SHANK2: variants seen among roughly 807,000 people sequenced by gnomAD.
SHANK2 encodes the protein SH3 and multiple ankyrin repeat domains 2.
SHANK2 carries 43 observed loss-of-function variants against 133.7 expected under a neutral mutation model. That is an observed-to-expected ratio of 0.32 (90% CI 0.25 to 0.41). The LOEUF (loss-of-function observed/expected upper bound fraction) is 0.41. Among genes scored for constraint, SHANK2 ranks in the 10% least tolerant of loss-of-function variants. The probability of loss-of-function intolerance (pLI) is 1.00; values close to 1 mark genes in which losing one functional copy is unlikely to be tolerated. For missense variants in SHANK2, 1,994 were observed against 2,235.8 expected (o/e 0.89, Z 2.18); for synonymous variants, 1,017 against 952.8 (o/e 1.07, Z -1.24).
At chr11:70,659,584 T>G (rs1346793547) in intron 17 of SHANK2, among the ~76,000 whole-genome samples, 1 of 152,138 alleles carries the variant, frequency 6.6e-6, no homozygotes, top group Non-Finnish European at 1.5e-5. Context: ...TCAAGACCAA[T>G]GACCAAATTC....
At chr11:70,822,233 G>A (rs908007003) in intron 11 of SHANK2, among the ~76,000 whole-genome samples, 2 of 152,226 alleles carry the variant, frequency 1.3e-5, no homozygotes, top group Non-Finnish European at 2.9e-5. Flanking sequence ...CTGAAGCCAC[G>A]CTTGGCTCCG....
intron 17 of SHANK2, among the ~76,000 whole-genome samples, chr11:70,573,281 G>A (rs1565142352): frequency 8.0e-6 from 1 of 125,400 alleles, no homozygotes; most frequent in Admixed American, 7.9e-5. Flanking sequence ...CGGTGGGGGC[G>A]GGGGGGCTGT....
At chr11:71,123,275 A>C (rs1470896461) in intron 3 of SHANK2, among the ~76,000 whole-genome samples, 1 of 152,186 alleles carries the variant, frequency 6.6e-6, no homozygotes, top group Non-Finnish European at 1.5e-5. Flanking sequence ...AAAGACAATA[A>C]ATAAGAAGCA....
At chr11:71,232,673 T>C (rs1555123126) in intron 1 of SHANK2, among the ~76,000 whole-genome samples, 1 of 152,216 alleles carries the variant, frequency 6.6e-6, no homozygotes, top group African/African-American at 2.4e-5. Flanking sequence ...ATGATTCTCT[T>C]AGTAACATGT....
Position 70,468,421 on chromosome 11 carries a change from GGGCAGTC to G in SHANK2, c.*4441_*4447del, listed in dbSNP as rs2058559314. On this transcript the variant is annotated 3_prime_UTR_variant, in exon 26 of 26. Coordinates refer to ENST00000601538, the MANE Select transcript of SHANK2 (RefSeq NM_012309.5). ...AATTCTCTGATTCCCCACAAAGCAC[GGGCAGTC>G]CTGTCTGCATGCAGCTGCTGTGGTC... 1 of 152,208 alleles carries G rather than the reference GGGCAGTC, an allele frequency of 6.6e-6. No individual in the cohort carries two copies. The highest frequency in any genetic ancestry group is 1.5e-5 in the Non-Finnish European group (1 of 68,046). The allele number at this position is 152,208 out of a possible 1,614,324, so 9.4% of individuals were successfully genotyped here. A position where few individuals can be genotyped will look rare whatever the true frequency, so the allele number is the denominator to read the frequency against.
chr11:70,832,357 CT>C (rs1318405128), intron 11 of SHANK2, among the ~76,000 whole-genome samples: 1 of 152,198 alleles, frequency 6.6e-6, no homozygotes, highest in East Asian at 1.9e-4. Context: ...TCACATTATC[CT>C]TCTGGGTGCT....
chr11:70,782,063 G>A (rs1406868004), intron 14 of SHANK2, among the ~76,000 whole-genome samples: 2 of 152,142 alleles, frequency 1.3e-5, no homozygotes, highest in African/African-American at 4.8e-5. Flanking sequence ...ATTGAACAAT[G>A]AGAATACTTA....
chr11:71,238,073 GC>G (rs1555123956), intron 1 of SHANK2, among the ~76,000 whole-genome samples: 1 of 152,188 alleles, frequency 6.6e-6, no homozygotes, highest in African/African-American at 2.4e-5. Flanking sequence ...CCCCAATGTT[GC>G]CGATGTCCCT....
At chr11:70,660,082 C>T in intron 16 of SHANK2, 130 bp from the exon 17 acceptor site, 1 of 1,123,074 alleles carries the variant, frequency 8.9e-7, no homozygotes, top group Non-Finnish European at 1.3e-6. Context: ...CTAGTCCAGG[C>T]CAACTCTCCC....
At chr11:70,927,069 C>G (rs1950438713) in intron 10 of SHANK2, among the ~76,000 whole-genome samples, 1 of 152,116 alleles carries the variant, frequency 6.6e-6, no homozygotes, top group Non-Finnish European at 1.5e-5. Context: ...AAAAGAATAC[C>G]AGGCAGGCAC....
intron 14 of SHANK2, among the ~76,000 whole-genome samples, chr11:70,766,714 C>T (rs1591825741): frequency 1.3e-5 from 2 of 152,290 alleles, no homozygotes; most frequent in East Asian, 1.9e-4. Context: ...GCAGGGATTG[C>T]TCCTCGCTTG....
At chr11:71,120,955 C>T (rs1419446121) in intron 3 of SHANK2, among the ~76,000 whole-genome samples, 1 of 152,236 alleles carries the variant, frequency 6.6e-6, no homozygotes, top group African/African-American at 2.4e-5. Context: ...TTCTGTGCCA[C>T]TGCAGGTGAT....
In SHANK2 at chr11:71,113,373, G is replaced by A. The variant is rs201663845; in HGVS notation, c.412-9C>T. 3.0e-5 allele frequency: 47 copies of A among 1,550,716 alleles called. No homozygotes were observed. The highest frequency in any genetic ancestry group is 3.8e-5 in the Non-Finnish European group (44 of 1,146,608). ...CGCTTCTTGTATCGAAACTGGCACA[G>A]AAAACAAAAAAGAGAGAGAAAACAA... is the stretch of plus-strand genomic sequence containing the variant. On this transcript the variant is annotated splice_polypyrimidine_tract_variant and intron_variant, in intron 4 of 25. Coordinates refer to ENST00000601538, the MANE Select transcript of SHANK2 (RefSeq NM_012309.5).
At chr11:70,586,973 T>C (rs529819234) in intron 17 of SHANK2, among the ~76,000 whole-genome samples, 1 of 152,176 alleles carries the variant, frequency 6.6e-6, no homozygotes, top group East Asian at 1.9e-4. Flanking sequence ...ACTCCGAAGA[T>C]TGTTATTCGA....
At chr11:70,823,645 G>A (rs1394440658) in intron 11 of SHANK2, among the ~76,000 whole-genome samples, 4 of 148,578 alleles carry the variant, frequency 2.7e-5, no homozygotes, top group Non-Finnish European at 6.0e-5. Flanking sequence ...ACGGGGGACA[G>A]AGGTGGCATT....
chr11:71,134,408 G>A (rs1952396494), intron 3 of SHANK2, among the ~76,000 whole-genome samples: 1 of 151,422 alleles, frequency 6.6e-6, no homozygotes, highest in African/African-American at 2.4e-5. Flanking sequence ...CTTCCAATGG[G>A]TGAATTATAT....
intron 17 of SHANK2, among the ~76,000 whole-genome samples, chr11:70,632,346 C>T (rs1340719831): frequency 1.3e-5 from 2 of 151,824 alleles, no homozygotes; most frequent in East Asian, 1.9e-4. Flanking sequence ...AGGATGGTCT[C>T]GATCTCCTGA....
chr11:70,584,917 T>C (rs1212612398), intron 17 of SHANK2, among the ~76,000 whole-genome samples: 1 of 152,250 alleles, frequency 6.6e-6, no homozygotes, highest in Non-Finnish European at 1.5e-5. Flanking sequence ...CTACATGTTC[T>C]GAAAAGAGTG....
intron 6 of SHANK2, among the ~76,000 whole-genome samples, chr11:71,102,477 C>T (rs985146227): frequency 9.2e-5 from 14 of 152,226 alleles, no homozygotes; most frequent in East Asian, 7.7e-4. Context: ...CTGCAGGGCC[C>T]GGGACTGAGC....
Sources: allele counts gnomAD v4.1 joint callset (sites outside exome capture counted in the v4.1 genomes callset), GRCh38; gene constraint gnomAD v4.1.1; transcripts MANE v1.5; gene names NCBI Gene and HGNC (gene_info 2026-07-23, HGNC 2026-07-21).